Variants in DLG2 observed in about 807,000 individuals in gnomAD.
DLG2 encodes discs large MAGUK scaffold protein 2.
DLG2 carries 45 observed loss-of-function variants against 132.5 expected under a neutral mutation model. That is an observed-to-expected ratio of 0.34 (90% confidence interval 0.27 to 0.44). The LOEUF is 0.44. Ranked by LOEUF, DLG2 falls within the 20% of genes least tolerant of loss-of-function variation. DLG2 has a pLI of 1.00. For synonymous variants in DLG2, 424 were observed against 419.6 expected (o/e 1.01, Z -0.13); for missense variants, 1,045 against 1,196.9 (o/e 0.87, Z 1.87).
chr11:83,946,555 T>C (rs936408303), intron 14 of DLG2, among the ~76,000 whole-genome samples: 5 of 152,124 alleles, frequency 3.3e-5, no homozygotes, highest in Non-Finnish European at 1.5e-5. Flanking sequence ...AGGTCGGAAA[T>C]AGTCACATTT....
At chr11:84,467,050 C>A (rs2154488151) in intron 7 of DLG2, among the ~76,000 whole-genome samples, 1 of 151,278 alleles carries the variant, frequency 6.6e-6, no homozygotes, top group African/African-American at 2.4e-5. Context: ...ATCAGTGATA[C>A]CCCAATAGCA....
intron 6 of DLG2, among the ~76,000 whole-genome samples, chr11:84,715,252 A>G (rs1214212650): frequency 6.6e-6 from 1 of 152,184 alleles, no homozygotes; most frequent in East Asian, 1.9e-4. Context: ...AGTTTTAGCC[A>G]TGTTTCTTTT....
At chr11:84,324,533 C>T (rs1270291440) in intron 7 of DLG2, among the ~76,000 whole-genome samples, 2 of 151,728 alleles carry the variant, frequency 1.3e-5, no homozygotes, top group Non-Finnish European at 1.5e-5. Context: ...ATTTGGGGTC[C>T]TTTGTGGTTC....
chr11:84,048,695 A>G (rs1013012096), intron 11 of DLG2, among the ~76,000 whole-genome samples: 1 of 151,738 alleles, frequency 6.6e-6, no homozygotes, highest in Non-Finnish European at 1.5e-5. Context: ...AACCAGTTGT[A>G]CAAACTTTGT....
intron 3 of DLG2, among the ~76,000 whole-genome samples, chr11:85,494,847 TA>T (rs201992818): frequency 0.011 from 1,609 of 150,992 alleles, 12 homozygotes; most frequent in Middle Eastern, 0.031. Flanking sequence ...AATATTTTTT[TA>T]AAAGAAAACA....
chr11:84,696,567 A>G (rs2058634935), intron 6 of DLG2, among the ~76,000 whole-genome samples: 2 of 151,580 alleles, frequency 1.3e-5, no homozygotes, highest in East Asian at 3.9e-4. Context: ...CTTGAGGAGC[A>G]AGGAGGTGAG....
At chr11:84,418,501 T>G (rs1221259465) in intron 7 of DLG2, among the ~76,000 whole-genome samples, 4 of 152,202 alleles carry the variant, frequency 2.6e-5, no homozygotes, top group Non-Finnish European at 4.4e-5. Flanking sequence ...ATGAAATAAC[T>G]TACTCAAAAT....
At chr11:83,918,260 G>T (rs1026745605) in intron 15 of DLG2, among the ~76,000 whole-genome samples, 2 of 152,160 alleles carry the variant, frequency 1.3e-5, no homozygotes, top group Non-Finnish European at 2.9e-5. Context: ...TGAGAACTCA[G>T]GAGAGACAAC....
intron 6 of DLG2, among the ~76,000 whole-genome samples, chr11:85,029,529 C>A (rs1310977026): frequency 6.6e-6 from 1 of 152,170 alleles, no homozygotes; most frequent in Non-Finnish European, 1.5e-5. Context: ...ATTGAGAATT[C>A]TCAGTGCTAG....
intron 7 of DLG2, among the ~76,000 whole-genome samples, chr11:84,347,092 T>C (rs7131479): frequency 0.38 from 57,761 of 151,812 alleles, 15,736 homozygotes; most frequent in African/African-American, 0.78. Context: ...AGTGTGGGGG[T>C]CAATCACTTC....
At position 85,525,190 on chromosome 11, in the gene DLG2, T is replaced by C. The variant is rs59048503; in HGVS notation, c.40+73467A>G. On this transcript the variant is annotated intron_variant, in intron 3 of 27. Coordinates refer to ENST00000376104, the MANE Select transcript of DLG2 (RefSeq NM_001142699.3). ...ATTTAAAATCCTTTGATTATCTCAGTAGATGCAGAGGAAGCATTTGAAAAA... is the reference window on the plus strand; with the variant it reads ...ATTTAAAATCCTTTGATTATCTCAGCAGATGCAGAGGAAGCATTTGAAAAA... Among the ~76,000 whole-genome samples, 1,177 of 152,346 alleles carry C rather than the reference T, an allele frequency of 7.7e-3. 16 individuals are homozygous for C. Among genetic ancestry groups the C allele is most frequent in the African/African-American group, 0.028 (1,145 of 41,578 alleles).
At chr11:83,751,923 T>C (rs1240699244) in intron 18 of DLG2, among the ~76,000 whole-genome samples, 1 of 152,162 alleles carries the variant, frequency 6.6e-6, no homozygotes, top group Non-Finnish European at 1.5e-5. Flanking sequence ...TGAGCTGGGA[T>C]TTAAAATTAT....
At chr11:84,327,097 A>G (rs1343366493) in intron 7 of DLG2, among the ~76,000 whole-genome samples, 1 of 151,358 alleles carries the variant, frequency 6.6e-6, no homozygotes, top group Admixed American at 6.6e-5. Flanking sequence ...CTTATAGACA[A>G]CATATAATGA....
chr11:85,499,619 A>G (rs2093748786), intron 3 of DLG2, among the ~76,000 whole-genome samples: 1 of 152,208 alleles, frequency 6.6e-6, no homozygotes, highest in Admixed American at 6.5e-5. Flanking sequence ...TCCTGATACC[A>G]AAGCCTGGCA....
At chr11:85,111,817 A>G (rs2072799827) in intron 5 of DLG2, 82 bp from the exon 6 acceptor site, 9 of 1,064,718 alleles carry the variant, frequency 8.5e-6, no homozygotes, top group South Asian at 3.1e-5. Context: ...TTTATTATCA[A>G]TATGTTTATT....
At chr11:84,167,244 G>A (rs2095689312) in intron 8 of DLG2, among the ~76,000 whole-genome samples, 1 of 152,184 alleles carries the variant, frequency 6.6e-6, no homozygotes, top group African/African-American at 2.4e-5. Context: ...TCAAACTGAT[G>A]TCACACATTG....
chr11:84,273,926 G>A (rs2097760980), intron 7 of DLG2, among the ~76,000 whole-genome samples: 1 of 152,140 alleles, frequency 6.6e-6, no homozygotes, highest in South Asian at 2.1e-4. Context: ...ATCATAAAAT[G>A]TAAGAGTAAC....
chr11:84,255,110 T>C (rs1426055162), intron 7 of DLG2, among the ~76,000 whole-genome samples: 1 of 152,136 alleles, frequency 6.6e-6, no homozygotes, highest in Non-Finnish European at 1.5e-5. Context: ...GAGCATGGCC[T>C]ATGAGTGTGC....
chr11:84,561,569 A>C (rs570922755), intron 6 of DLG2, among the ~76,000 whole-genome samples: 1 of 152,104 alleles, frequency 6.6e-6, no homozygotes, highest in Non-Finnish European at 1.5e-5. Flanking sequence ...CTATGTTTTA[A>C]TTGTATTTCA....
Sources: gnomAD v4.1 joint callset for allele counts (sites outside exome capture counted in the v4.1 genomes callset) on GRCh38, gnomAD v4.1.1 for gene constraint, MANE v1.5 for transcripts, NCBI Gene and HGNC (gene_info 2026-07-23, HGNC 2026-07-21) for gene names.